RIMS2: variants seen among roughly 807,000 people sequenced by gnomAD.
RIMS2 encodes regulating synaptic membrane exocytosis 2, also known as regulating synaptic membrane exocytosis protein 2.
In RIMS2, 59 loss-of-function variants were observed where a neutral mutation model predicts 174.4. That is an observed-to-expected ratio of 0.34 (90% CI 0.27 to 0.42). RIMS2 has a LOEUF of 0.42. Among genes scored for constraint, RIMS2 ranks in the 10% least tolerant of loss-of-function variants. The probability of loss-of-function intolerance (pLI) is 1.00; values close to 1 mark genes in which losing one functional copy is unlikely to be tolerated. For missense variants in RIMS2, 1,620 were observed against 1,666.3 expected (o/e 0.97, Z 0.48); for synonymous variants, 606 against 572.5 (o/e 1.06, Z -0.84).
At chr8:104,092,901 ACTAT>A (rs2097688010) in intron 19 of RIMS2, among the ~76,000 whole-genome samples, 1 of 152,028 alleles carries the variant, frequency 6.6e-6, no homozygotes, top group South Asian at 2.1e-4. Flanking sequence ...GTGCCAGTTA[ACTAT>A]CTGACTATTT....
intron 19 of RIMS2, among the ~76,000 whole-genome samples, chr8:104,050,514 AC>A (rs1486498647): frequency 6.6e-6 from 1 of 152,188 alleles, no homozygotes; most frequent in Non-Finnish European, 1.5e-5. Flanking sequence ...GTAAGAAGAA[AC>A]CAGCTATGTA....
In RIMS2 at chr8:103,681,318, T is replaced by G. The variant is rs1462313452; in HGVS notation, c.177-15768T>G. ...CCATGCACATTAGCTATTTAGATTT[T>G]AATATAAAAATGTAAAATTGAATGA... On this transcript the variant is annotated intron_variant, in intron 1 of 23. Transcript: ENST00000504942. Among the ~76,000 whole-genome samples, 2 of 152,030 alleles carry G rather than the reference T, an allele frequency of 1.3e-5. 1 individual carries two copies. The highest frequency in any genetic ancestry group is 4.8e-5 in the African/African-American group (2 of 41,438).
At chr8:104,166,950 C>T (rs2098801840) in intron 19 of RIMS2, among the ~76,000 whole-genome samples, 1 of 152,128 alleles carries the variant, frequency 6.6e-6, no homozygotes, top group Non-Finnish European at 1.5e-5. Flanking sequence ...CTGCACAAGA[C>T]ATTATTTCAT....
At chr8:103,582,426 T>A in intron 1 of RIMS2, among the ~76,000 whole-genome samples, 1 of 152,128 alleles carries the variant, frequency 6.6e-6, no homozygotes, top group East Asian at 1.9e-4. Context: ...AAAGGGAACT[T>A]TGTCTTGCAC....
At chr8:103,733,340 C>T (rs188267185) in intron 2 of RIMS2, among the ~76,000 whole-genome samples, 120 of 152,100 alleles carry the variant, frequency 7.9e-4, no homozygotes, top group African/African-American at 2.7e-3. Context: ...AGCAGAGGAA[C>T]GAAGTCTCTC....
intron 1 of RIMS2, among the ~76,000 whole-genome samples, chr8:103,576,861 C>A (rs1431744277): frequency 2.0e-5 from 3 of 152,020 alleles, no homozygotes; most frequent in Admixed American, 2.0e-4. Flanking sequence ...TTGGGAAAAC[C>A]GACTAGCCAT....
At chr8:104,173,613 A>ATTTTTTTTTTTTTTTTTTTTTTTTTT (rs71297262) in intron 19 of RIMS2, among the ~76,000 whole-genome samples, 3 of 54,198 alleles carry the variant, frequency 5.5e-5, no homozygotes, top group Non-Finnish European at 6.0e-5. Flanking sequence ...AGCTCTTCTG[A>ATTTTTTTTTTTTTTTTTTTTTTTTTT]TTTTTTTTTT....
intron 4 of RIMS2, among the ~76,000 whole-genome samples, chr8:103,907,449 G>T (rs1238219647): frequency 6.6e-6 from 1 of 152,072 alleles, no homozygotes; most frequent in Admixed American, 6.6e-5. Context: ...AAATCATTCA[G>T]TATAGTTGAT....
At chr8:104,016,895 T>C (rs1292654556) in intron 19 of RIMS2, among the ~76,000 whole-genome samples, 3 of 152,004 alleles carry the variant, frequency 2.0e-5, no homozygotes, top group Admixed American at 1.3e-4. Flanking sequence ...TTATCTTTAC[T>C]ATTGTTTTTG....
At chr8:103,813,174 G>T (rs1297857271) in intron 3 of RIMS2, among the ~76,000 whole-genome samples, 2 of 152,136 alleles carry the variant, frequency 1.3e-5, no homozygotes, top group Admixed American at 6.5e-5. Context: ...TCTTAAAAAT[G>T]AAAACTAAAC....
intron 17 of RIMS2, among the ~76,000 whole-genome samples, chr8:103,998,474 T>C (rs1264414334): frequency 4.0e-5 from 6 of 151,812 alleles, no homozygotes; most frequent in Non-Finnish European, 7.4e-5. Flanking sequence ...AGAATCTCTT[T>C]GGTGATTCTA....
At chr8:103,863,899 G>T (rs946489860) in intron 3 of RIMS2, among the ~76,000 whole-genome samples, 1,772 of 112,920 alleles carry the variant, frequency 0.016, 29 homozygotes, top group African/African-American at 0.059. Flanking sequence ...TTTTTTTTTT[G>T]TTTTTTTTGT....
At chr8:103,665,495 T>C (rs1564207881) in intron 1 of RIMS2, among the ~76,000 whole-genome samples, 1 of 152,206 alleles carries the variant, frequency 6.6e-6, no homozygotes, top group Admixed American at 6.5e-5. Flanking sequence ...TCAGAAATGG[T>C]TTTGAGATAT....
At chr8:103,646,645 T>A (rs542542599) in intron 1 of RIMS2, among the ~76,000 whole-genome samples, 13 of 152,244 alleles carry the variant, frequency 8.5e-5, no homozygotes. Context: ...TGAGAACATA[T>A]GGTATTTAGT....
intron 17 of RIMS2, among the ~76,000 whole-genome samples, chr8:104,005,608 C>T (rs543391757): frequency 6.6e-6 from 1 of 152,232 alleles, no homozygotes; most frequent in South Asian, 2.1e-4. Flanking sequence ...GAGAAGATAT[C>T]AGGGGGCAGT....
chr8:103,512,324 A>G (rs994019667), intron 1 of RIMS2, among the ~76,000 whole-genome samples: 10 of 152,218 alleles, frequency 6.6e-5, no homozygotes, highest in Non-Finnish European at 8.8e-5. Context: ...AGAAGGGTGG[A>G]TTTGGAGCTG....
intron 5 of RIMS2, chr8:103,910,512 C>T (rs61998163): frequency 4.3e-5 from 69 of 1,591,946 alleles, no homozygotes; most frequent in Middle Eastern, 3.3e-4. Flanking sequence ...TAACGAGGAG[C>T]ATAGCCATAG....
Position 104,251,012 on chromosome 8 carries a change from T to C in RIMS2, c.3692-12T>C. On this transcript the variant is annotated splice_polypyrimidine_tract_variant and intron_variant, in intron 22 of 23. Transcript: ENST00000504942. The stretch of plus-strand genomic sequence containing the variant: ...TTTATTGCTCATTCTCCTCTGTGTT[T>C]TCTTTCCCAAGCACCGTATGTAAAA... The C allele has an allele frequency of 6.2e-7, 1 of 1,609,926 alleles. No individual in the cohort carries two copies. The highest frequency in any genetic ancestry group is 8.5e-7 in the Non-Finnish European group (1 of 1,177,374).
At chr8:103,799,615 T>C (rs1003634543) in intron 3 of RIMS2, among the ~76,000 whole-genome samples, 2 of 152,194 alleles carry the variant, frequency 1.3e-5, no homozygotes, top group African/African-American at 4.8e-5. Flanking sequence ...TACTAATATT[T>C]GATATTACTA....
Sources: allele counts gnomAD v4.1 joint callset (sites outside exome capture counted in the v4.1 genomes callset), GRCh38; gene constraint gnomAD v4.1.1; transcripts MANE v1.5; gene names NCBI Gene and HGNC (gene_info 2026-07-23, HGNC 2026-07-21).